Variants in RYR2 observed in about 807,000 individuals in gnomAD.
RYR2 encodes the protein cardiac muscle ryanodine receptor-calcium release channel.
In RYR2, 227 loss-of-function variants were observed where a neutral mutation model predicts 601.1. The observed-to-expected ratio is 0.38, with a 90% CI of 0.34 to 0.42. The LOEUF (loss-of-function observed/expected upper bound fraction) is 0.42, where lower values mean the gene tolerates loss of function less well. Among genes scored for constraint, RYR2 ranks in the 10% least tolerant of loss-of-function variants. RYR2 has a pLI of 1.00. For missense variants in RYR2, 4,646 were observed against 6,156.5 expected, an observed-to-expected ratio of 0.75 and a Z score of 8.21; for synonymous variants, 2,223 against 2,175.1, an observed-to-expected ratio of 1.02 and a Z score of -0.61.
chr1:237,344,024 T>A (rs1043345402), intron 3 of RYR2, among the ~76,000 whole-genome samples: 5 of 151,994 alleles, frequency 3.3e-5, no homozygotes, highest in African/African-American at 4.8e-5. Context: ...GGTTTCTCCA[T>A]GTTGGCCAGG....
At chr1:237,443,217 T>C (rs1842078) in intron 13 of RYR2, among the ~76,000 whole-genome samples, 132,449 of 151,828 alleles carry the variant, frequency 0.87, 58,212 homozygotes, top group East Asian at 0.99. Flanking sequence ...TTTTCTTGTC[T>C]TTATCTCACC....
In RYR2 at chr1:237,418,864, A is replaced by ATAT. The variant is rs1705273631; in HGVS notation, c.848+1744_848+1746dup. On this transcript the variant is annotated intron_variant, in intron 11 of 104. Coordinates refer to ENST00000366574, the MANE Select transcript of RYR2 (RefSeq NM_001035.3). ...TGCACAATTGATCAAATCTACCTAAATATTAAAACTTTTGGTAACTACCAA... is the reference window on the plus strand; with the variant it reads ...TGCACAATTGATCAAATCTACCTAAATATTATTAAAACTTTTGGTAACTACCAA... Among the ~76,000 whole-genome samples the ATAT allele has an allele frequency of 2.0e-5, 3 of 152,060 alleles. No homozygotes were observed. The South Asian group carries it at 6.2e-4, about 31-fold the overall frequency.
intron 1 of RYR2, among the ~76,000 whole-genome samples, chr1:237,194,269 A>T (rs912068885): frequency 6.6e-6 from 1 of 152,192 alleles, no homozygotes; most frequent in Non-Finnish European, 1.5e-5. Context: ...TTAGAAATCT[A>T]GAGAAGAAAA....
At chr1:237,600,253 A>G (rs1010270224) in intron 34 of RYR2, among the ~76,000 whole-genome samples, 2 of 152,128 alleles carry the variant, frequency 1.3e-5, no homozygotes, top group African/African-American at 4.8e-5. Flanking sequence ...CAAAACAGAC[A>G]TATAGACCAA....
chr1:237,325,573 A>G (rs1004630673), intron 2 of RYR2, among the ~76,000 whole-genome samples: 1 of 152,100 alleles, frequency 6.6e-6, no homozygotes, highest in Admixed American at 6.5e-5. Flanking sequence ...CTGTAGTCCC[A>G]GCTACTCAGG....
At chr1:237,717,095 G>A in intron 71 of RYR2, 103 bp from the exon 72 acceptor site, 1 of 997,866 alleles carries the variant, frequency 1.0e-6, no homozygotes, top group Non-Finnish European at 1.5e-6. Flanking sequence ...CTAGGGAGCA[G>A]CAGAAAATGA....
At chr1:237,383,417 GTTTTTTTTTTTTTTT>G (rs10567644) in intron 8 of RYR2, among the ~76,000 whole-genome samples, 22 of 50,558 alleles carry the variant, frequency 4.4e-4, no homozygotes, top group African/African-American at 1.6e-3. Flanking sequence ...CTTTTTTCTT[GTTTTTTTTTTTTTTT>G]TTTTTTTTTT....
intron 38 of RYR2, 139 bp from the exon 39 acceptor site, chr1:237,623,626 T>C: frequency 1.7e-6 from 1 of 575,720 alleles, no homozygotes. Context: ...AATCCTGACC[T>C]CGTGATCTGC....
intron 14 of RYR2, among the ~76,000 whole-genome samples, chr1:237,454,165 C>G (rs1370404152): frequency 2.6e-5 from 4 of 152,116 alleles, no homozygotes; most frequent in Admixed American, 2.6e-4. Context: ...TGAGGTTATT[C>G]TCTGGGTGAG....
At chr1:237,329,474 T>C (rs1268906616) in intron 2 of RYR2, among the ~76,000 whole-genome samples, 7 of 152,038 alleles carry the variant, frequency 4.6e-5, no homozygotes, top group African/African-American at 1.7e-4. Flanking sequence ...AACCCCCATC[T>C]GTATTAAAAA....
intron 1 of RYR2, among the ~76,000 whole-genome samples, chr1:237,250,371 C>T: frequency 6.6e-6 from 1 of 152,230 alleles, no homozygotes; most frequent in African/African-American, 2.4e-5. Flanking sequence ...AACTTGTTCA[C>T]ATGCTAGTAG....
intron 1 of RYR2, among the ~76,000 whole-genome samples, chr1:237,152,091 G>A (rs1572026494): frequency 6.6e-6 from 1 of 152,120 alleles, no homozygotes; most frequent in East Asian, 1.9e-4. Context: ...ACTTATGAGC[G>A]AGAACATGCG....
intron 34 of RYR2, among the ~76,000 whole-genome samples, chr1:237,598,541 A>G (rs1251598044): frequency 6.6e-6 from 1 of 152,236 alleles, no homozygotes; most frequent in Non-Finnish European, 1.5e-5. Flanking sequence ...TAGACATTAA[A>G]CAACATACCC....
chr1:237,830,556 C>A lies in RYR2; in HGVS notation c.14682C>A (p.Gly4894=). 6.2e-7 allele frequency: 1 copy of A among 1,608,026 alleles called. No homozygotes were observed. Among genetic ancestry groups the A allele is most frequent in the Non-Finnish European group, 8.5e-7 (1 of 1,174,522 alleles). Residue 4894 remains glycine, a synonymous_variant, in exon 103 of 105, where the codon GGC becomes GGA. Coordinates refer to ENST00000366574, the MANE Select transcript of RYR2 (RefSeq NM_001035.3). ...CCAAATGCTTCATCTGTGGGATAGG[C>A]AATGATTACTTCGACACAGTGCCAC... The part of the protein sequence containing the change: ...METKCFICGI[G]NDYFDTVPHG...
intron 1 of RYR2, chr1:237,267,526 AG>A (rs1199567454): frequency 1.8e-5 from 4 of 217,120 alleles, no homozygotes; most frequent in Non-Finnish European, 4.0e-5. Flanking sequence ...CCTCAAGAAA[AG>A]AAAAAAGAGA....
intron 90 of RYR2, 95 bp downstream of exon 90, chr1:237,785,067 G>A (rs959246816): frequency 3.6e-5 from 33 of 905,606 alleles, no homozygotes; most frequent in South Asian, 3.4e-4. Flanking sequence ...GTGCCAGAAC[G>A]GTGTTACCTA....
intron 1 of RYR2, among the ~76,000 whole-genome samples, chr1:237,183,271 A>G (rs945224516): frequency 1.6e-4 from 24 of 152,230 alleles, no homozygotes; most frequent in African/African-American, 5.8e-4. Flanking sequence ...CAAGCTATTC[A>G]TGAAGCATTT....
rs150133717 is a variant in RYR2, at chr1:237,633,939, A to G, written c.6688+229A>G. ...TCACCTCACACCTGTTAGAATGCCT[A>G]TTATTGAAAAGACAAAACATAATAA... On this transcript the variant is annotated intron_variant, in intron 43 of 104. Coordinates refer to ENST00000366574, the MANE Select transcript of RYR2 (RefSeq NM_001035.3). Among the ~76,000 whole-genome samples the G allele has an allele frequency of 9.3e-3, 1,422 of 152,284 alleles. 26 individuals carry two copies. The highest frequency in any genetic ancestry group is 0.033 in the African/African-American group (1,373 of 41,552).
rs547907745 is a variant in RYR2 at position 237,144,122 on chromosome 1, C to T, written c.48+101553C>T. ...CCAGCCTGGGTGACAAAGTGAGACTCTGTCTCAAAAAAGAAAAAAAAAAAA... is the reference window on the plus strand; with the variant it reads ...CCAGCCTGGGTGACAAAGTGAGACTTTGTCTCAAAAAAGAAAAAAAAAAAA... On this transcript the variant is annotated intron_variant, in intron 1 of 104. Transcript: ENST00000366574. Among the ~76,000 whole-genome samples the T allele has an allele frequency of 4.0e-5, 6 of 151,584 alleles. No homozygotes were observed. The East Asian group carries it at 1.2e-3, about 29-fold the overall frequency.
Sources: allele counts gnomAD v4.1 joint callset (sites outside exome capture counted in the v4.1 genomes callset), GRCh38; gene constraint gnomAD v4.1.1; transcripts MANE v1.5; gene names NCBI Gene and HGNC (gene_info 2026-07-23, HGNC 2026-07-21).